The following GRIA3 variants were observed in gnomAD, a reference collection of about 807,000 sequenced individuals.
GRIA3 encodes glutamate ionotropic receptor AMPA type subunit 3, also known as glutamate receptor 3.
Under a neutral mutation model 63.0 loss-of-function variants are expected in GRIA3, and 3 were observed. That is an observed-to-expected ratio of 0.05 (90% CI 0.02 to 0.12). GRIA3 has a LOEUF of 0.12. GRIA3 is among the 10% of genes least tolerant of loss of function. The pLI is 1.00. For synonymous variants in GRIA3, 274 were observed against 257.9 expected (o/e 1.06, Z -0.60); for missense variants, 347 against 700.9 (o/e 0.50, Z 5.70).
rs142802115 is a variant in GRIA3 at position 123,466,872 on chromosome X, G to T, written c.2324+1760G>T. Reference sequence around the variant, plus strand: ...CTTCAGAGACAATGGTTGCACTTCTGCTCCTCTCTTTCCCTCTCTATCCCT... The same window carrying T: ...CTTCAGAGACAATGGTTGCACTTCTTCTCCTCTCTTTCCCTCTCTATCCCT... On this transcript the variant is annotated intron_variant, in intron 13 of 15. Transcript: ENST00000620443. Among the ~76,000 whole-genome samples, 368 of 112,603 alleles carry T rather than the reference G, an allele frequency of 3.3e-3. 1 individual carries two copies. The highest frequency in any genetic ancestry group is 5.6e-3 in the Non-Finnish European group (300 of 53,285).
chrX:123,453,384 C>A (rs1227237688), intron 12 of GRIA3, among the ~76,000 whole-genome samples: 1 of 108,530 alleles, frequency 9.2e-6, no homozygotes, highest in African/African-American at 3.4e-5. Context: ...CACACCGGGG[C>A]CTGTCGTGGG....
chrX:123,308,835 T>C (rs1816728058), intron 3 of GRIA3, among the ~76,000 whole-genome samples: 1 of 112,405 alleles, frequency 8.9e-6, no homozygotes, highest in South Asian at 3.7e-4. Context: ...AGCAGCTACA[T>C]CATCCAAGCC....
chrX:123,487,101 C>G (rs2045946014), intron 15 of GRIA3, among the ~76,000 whole-genome samples: 1 of 112,563 alleles, frequency 8.9e-6, no homozygotes, highest in Non-Finnish European at 1.9e-5. Context: ...TCTTGACTAC[C>G]TGGTGCCTCT....
chrX:123,446,778 G>A (rs1051520200), intron 12 of GRIA3, among the ~76,000 whole-genome samples: 36 of 111,630 alleles, frequency 3.2e-4, no homozygotes, highest in Non-Finnish European at 1.1e-4. Flanking sequence ...ATAGGGGTGG[G>A]AAGTAGTGGG....
At chrX:123,262,030 C>T (rs371117378) in intron 3 of GRIA3, among the ~76,000 whole-genome samples, 7 of 111,590 alleles carry the variant, frequency 6.3e-5, no homozygotes, top group African/African-American at 2.3e-4. Context: ...CTGGAGTAGT[C>T]TATAAATTCA....
chrX:123,347,464 C>T (rs935471991), intron 4 of GRIA3, among the ~76,000 whole-genome samples: 2 of 112,322 alleles, frequency 1.8e-5, no homozygotes, highest in African/African-American at 6.5e-5. Flanking sequence ...AACATGTTCA[C>T]TCACTTCTTT....
intron 2 of GRIA3, among the ~76,000 whole-genome samples, chrX:123,209,297 A>C (rs1927977082): frequency 8.9e-6 from 1 of 112,073 alleles, no homozygotes; most frequent in African/African-American, 3.2e-5. Context: ...TAATTAAATG[A>C]GATAATTATT....
At chrX:123,212,227 C>T (rs937412935) in intron 2 of GRIA3, among the ~76,000 whole-genome samples, 2 of 111,231 alleles carry the variant, frequency 1.8e-5, no homozygotes, top group Non-Finnish European at 1.9e-5. Flanking sequence ...GGAAAAGAAA[C>T]AACCTAGATT....
chrX:123,323,059 A>G (rs1392174540), intron 3 of GRIA3, among the ~76,000 whole-genome samples: 1 of 112,362 alleles, frequency 8.9e-6, no homozygotes, highest in Non-Finnish European at 1.9e-5. Flanking sequence ...AGAGGACAGC[A>G]TGAGTTGTAC....
intron 12 of GRIA3, among the ~76,000 whole-genome samples, chrX:123,457,515 A>C (rs1274328767): frequency 9.0e-6 from 1 of 111,726 alleles, no homozygotes; most frequent in Non-Finnish European, 1.9e-5. Context: ...TACATGCATA[A>C]AGCTGGCCCA....
intron 5 of GRIA3, among the ~76,000 whole-genome samples, chrX:123,381,796 AG>A (rs1260578875): frequency 8.9e-6 from 1 of 112,419 alleles, no homozygotes; most frequent in Non-Finnish European, 1.9e-5. Context: ...ATAATAAAAA[AG>A]GTATCAGAAA....
chrX:123,368,157 C>G (rs751559483), intron 5 of GRIA3, among the ~76,000 whole-genome samples: 1 of 111,340 alleles, frequency 9.0e-6, no homozygotes, highest in African/African-American at 3.3e-5. Flanking sequence ...TAGGCAGATG[C>G]TTCATGGGAC....
At chrX:123,394,066 A>G (rs918366140) in intron 5 of GRIA3, among the ~76,000 whole-genome samples, 1 of 112,508 alleles carries the variant, frequency 8.9e-6, no homozygotes, top group Non-Finnish European at 1.9e-5. Flanking sequence ...AGTAGTTGTT[A>G]AGATTCATTT....
In GRIA3 at chrX:123,281,183, A is replaced by G. The variant is rs775630084; in HGVS notation, c.508+27641A>G. Reference sequence around the variant, plus strand: ...ACTTTAGTAGCACTCAGAATAGCTTAGGTGAAAGTCATGGCTAAGATAATG... The same window carrying G: ...ACTTTAGTAGCACTCAGAATAGCTTGGGTGAAAGTCATGGCTAAGATAATG... On this transcript the variant is annotated intron_variant, in intron 3 of 15. Coordinates refer to ENST00000620443, the MANE Select transcript of GRIA3 (RefSeq NM_007325.5). Among the ~76,000 whole-genome samples, 5 of 111,976 alleles carry G rather than the reference A, an allele frequency of 4.5e-5. No individual in the cohort carries two copies. The Admixed American group carries it at 4.8e-4, about 11-fold the overall frequency.
intron 2 of GRIA3, among the ~76,000 whole-genome samples, chrX:123,229,988 G>A (rs2044267889): frequency 8.9e-6 from 1 of 111,773 alleles, no homozygotes; most frequent in African/African-American, 3.2e-5. Flanking sequence ...CAAATGCTGA[G>A]GGGGAAGTCA....
intron 4 of GRIA3, among the ~76,000 whole-genome samples, chrX:123,335,684 C>G (rs1218302894): frequency 1.8e-5 from 2 of 110,823 alleles, no homozygotes; most frequent in East Asian, 5.7e-4. Context: ...GAGTTAATCC[C>G]ATCACTTAAG....
In GRIA3 at chrX:123,231,821, T is replaced by C. The variant is rs143117755; in HGVS notation, c.269-21482T>C. ...CAAAATCCAGACGTCTCACCCTTTT[T>C]ATAAAACAGCGATCTACAGTATATA... On this transcript the variant is annotated intron_variant, in intron 2 of 15. Transcript: ENST00000620443. 9.1e-3 allele frequency among the ~76,000 whole-genome samples: 1,016 copies of C among 111,378 alleles called. 10 individuals are homozygous for C. Among genetic ancestry groups the C allele is most frequent in the African/African-American group, 0.031 (958 of 30,682 alleles).
In GRIA3 at chrX:123,477,657, CCA is replaced by C. The variant is rs1457571645; in HGVS notation, c.2325-2402_2325-2401del. ...CAGGGATCCTCCGGGGGTCCCTGGACCACACTTTGAGAACAACTGCTCTAAAC... is the reference window on the plus strand; with the variant it reads ...CAGGGATCCTCCGGGGGTCCCTGGACCACTTTGAGAACAACTGCTCTAAAC... On this transcript the variant is annotated intron_variant, in intron 13 of 15. Coordinates refer to ENST00000620443, the MANE Select transcript of GRIA3 (RefSeq NM_007325.5). Among the ~76,000 whole-genome samples the C allele has an allele frequency of 1.1e-4, 12 of 112,022 alleles. No individual in the cohort carries two copies. In the East Asian group the frequency reaches 2.2e-3, roughly 21 times the overall value.
chrX:123,403,914 A>G, intron 9 of GRIA3, among the ~76,000 whole-genome samples: 1 of 110,815 alleles, frequency 9.0e-6, no homozygotes, highest in Non-Finnish European at 1.9e-5. Context: ...GCAAGTCACA[A>G]CTTCTCTGAG....
Sources: gnomAD v4.1 joint callset for allele counts (sites outside exome capture counted in the v4.1 genomes callset) on GRCh38, gnomAD v4.1.1 for gene constraint, MANE v1.5 for transcripts, NCBI Gene and HGNC (gene_info 2026-07-23, HGNC 2026-07-21) for gene names.